FHIT: variants seen among roughly 807,000 people sequenced by gnomAD.
FHIT encodes the protein bis(5'-adenosyl)-triphosphatase.
In FHIT, 19 loss-of-function variants were observed where a neutral mutation model predicts 17.9. The observed-to-expected ratio is 1.06, with a 90% CI of 0.74 to 1.56. The LOEUF (loss-of-function observed/expected upper bound fraction) is 1.56, where lower values mean the gene tolerates loss of function less well. FHIT is among the 40% of genes most tolerant of loss of function. The probability of loss-of-function intolerance (pLI) is 0.00; values close to 1 mark genes in which losing one functional copy is unlikely to be tolerated. For synonymous variants in FHIT, 81 were observed against 69.7 expected (o/e 1.16, Z -0.81); for missense variants, 248 against 189.2 (o/e 1.31, Z -1.82).
chr3:60,419,652 T>C (rs1702397229), intron 5 of FHIT, among the ~76,000 whole-genome samples: 2 of 152,180 alleles, frequency 1.3e-5, no homozygotes, highest in Admixed American at 1.3e-4. Flanking sequence ...TCCTCCAGTA[T>C]TCTTTTTGCT....
At chr3:60,434,402 T>A (rs1353994333) in intron 5 of FHIT, among the ~76,000 whole-genome samples, 1 of 152,088 alleles carries the variant, frequency 6.6e-6, no homozygotes, top group Non-Finnish European at 1.5e-5. Context: ...TTCTGACACA[T>A]TTTCTTCCCT....
intron 7 of FHIT, among the ~76,000 whole-genome samples, chr3:59,930,507 A>G (rs1705916431): frequency 6.6e-6 from 1 of 152,132 alleles, no homozygotes. Flanking sequence ...TTCCAGAACA[A>G]GCCTGGTATG....
intron 5 of FHIT, among the ~76,000 whole-genome samples, chr3:60,446,739 G>A (rs1281956076): frequency 6.6e-6 from 1 of 151,892 alleles, no homozygotes; most frequent in Non-Finnish European, 1.5e-5. Context: ...TATAGTACAA[G>A]CTATTCAGGA....
chr3:60,756,165 T>G (rs1014086377), intron 4 of FHIT, among the ~76,000 whole-genome samples: 6 of 152,214 alleles, frequency 3.9e-5, no homozygotes, highest in Non-Finnish European at 7.3e-5. Context: ...GACAAAAAAC[T>G]TCAATGCATC....
rs146601619 is a variant in FHIT, at chr3:60,950,312, G to A, written c.-111+91735C>T. Among the ~76,000 whole-genome samples the A allele has an allele frequency of 1.4e-4, 22 of 152,248 alleles. No homozygotes were observed. The East Asian group carries it at 4.2e-3, about 29-fold the overall frequency. The stretch of plus-strand genomic sequence containing the variant: ...AACACATTGCAAAACAGTAGATACT[G>A]TAATATCATATTTATTGAGAGCTGT... On this transcript the variant is annotated intron_variant, in intron 3 of 9. Coordinates refer to ENST00000492590, the MANE Select transcript of FHIT (RefSeq NM_002012.4).
At chr3:60,233,629 C>A (rs1704614511) in intron 5 of FHIT, among the ~76,000 whole-genome samples, 1 of 152,122 alleles carries the variant, frequency 6.6e-6, no homozygotes, top group Non-Finnish European at 1.5e-5. Context: ...TCTCTTAAGT[C>A]CTTTTGAAAA....
At position 60,157,342 on chromosome 3, in the gene FHIT, C is replaced by T. The variant is rs9866689; in HGVS notation, c.104-143190G>A. Among the ~76,000 whole-genome samples the T allele has an allele frequency of 3.9e-3, 597 of 152,246 alleles. 3 individuals carry two copies. Among genetic ancestry groups the T allele is most frequent in the African/African-American group, 0.011 (448 of 41,558 alleles). ...TAAATCTACCGCAACGTGGAAAAGTCCAGTTGTTCTACCAGTAGGTGCTTC... is the reference window on the plus strand; with the variant it reads ...TAAATCTACCGCAACGTGGAAAAGTTCAGTTGTTCTACCAGTAGGTGCTTC... On this transcript the variant is annotated intron_variant, in intron 5 of 9. Transcript: ENST00000492590.
intron 1 of FHIT, among the ~76,000 whole-genome samples, chr3:61,238,382 C>A: frequency 6.6e-6 from 1 of 152,134 alleles, no homozygotes; most frequent in East Asian, 1.9e-4. Context: ...CAGTTAGGGA[C>A]CTGACATAAA....
At chr3:59,828,389 A>G (rs773938008) in intron 8 of FHIT, among the ~76,000 whole-genome samples, 29 of 152,208 alleles carry the variant, frequency 1.9e-4, no homozygotes, top group Non-Finnish European at 3.8e-4. Flanking sequence ...TAAGAAATCA[A>G]TATAATTTTG....
At chr3:60,445,604 T>C (rs2031277314) in intron 5 of FHIT, among the ~76,000 whole-genome samples, 1 of 152,108 alleles carries the variant, frequency 6.6e-6, no homozygotes, top group African/African-American at 2.4e-5. Context: ...ACAGTCTATG[T>C]CAAAAATGCT....
intron 2 of FHIT, among the ~76,000 whole-genome samples, chr3:61,186,618 C>T (rs2038521718): frequency 6.6e-6 from 1 of 152,178 alleles, no homozygotes; most frequent in African/African-American, 2.4e-5. Flanking sequence ...TGTCCATTTA[C>T]CCATCCCACT....
chr3:60,915,922 AAATGT>A lies in FHIT; in HGVS notation c.-110-93916_-110-93912del, dbSNP rs149786423. On this transcript the variant is annotated intron_variant, in intron 3 of 9. Transcript: ENST00000492590. ...TGAAACCACACCAAAGTACGTTGAAAAATGTCTTCCCACTCATGCTGTTAATGATC... is the reference window on the plus strand; with the variant it reads ...TGAAACCACACCAAAGTACGTTGAAACTTCCCACTCATGCTGTTAATGATC... Among the ~76,000 whole-genome samples, 639 of 152,276 alleles carry A rather than the reference AAATGT, an allele frequency of 4.2e-3. 3 individuals carry two copies. Among genetic ancestry groups the A allele is most frequent in the African/African-American group, 0.015 (603 of 41,564 alleles).
intron 4 of FHIT, among the ~76,000 whole-genome samples, chr3:60,682,318 A>G (rs2040770018): frequency 6.6e-6 from 1 of 152,190 alleles, no homozygotes; most frequent in African/African-American, 2.4e-5. Flanking sequence ...TTGGAAGAAG[A>G]TGCCATCTAG....
intron 1 of FHIT, among the ~76,000 whole-genome samples, chr3:61,234,546 G>T (rs1446729738): frequency 1.3e-5 from 2 of 152,040 alleles, no homozygotes; most frequent in African/African-American, 4.8e-5. Context: ...AAAACTAACA[G>T]AACAAATATG....
chr3:60,356,753 C>CAAAAAAAAAAAAAAAAAAAAAA (rs57588436), intron 5 of FHIT, among the ~76,000 whole-genome samples: 12 of 58,674 alleles, frequency 2.0e-4, no homozygotes, highest in South Asian at 7.3e-4. Flanking sequence ...AAGACAGAGA[C>CAAAAAAAAAAAAAAAAAAAAAA]AAAAAAAAAA....
chr3:60,111,120 C>G (rs558681569), intron 5 of FHIT, among the ~76,000 whole-genome samples: 1 of 151,592 alleles, frequency 6.6e-6, no homozygotes, highest in South Asian at 2.1e-4. Flanking sequence ...TCTGATAGAC[C>G]GAGAAGAAAA....
intron 2 of FHIT, among the ~76,000 whole-genome samples, chr3:61,181,596 C>G (rs2038345466): frequency 6.6e-6 from 1 of 152,158 alleles, no homozygotes; most frequent in Non-Finnish European, 1.5e-5. Context: ...ACAGGCTGCT[C>G]TGATATTCCC....
intron 8 of FHIT, among the ~76,000 whole-genome samples, chr3:59,827,111 T>G (rs1701005074): frequency 6.6e-6 from 1 of 152,226 alleles, no homozygotes; most frequent in Admixed American, 6.5e-5. Context: ...TGCCATGCAG[T>G]GTCCATTTTA....
chr3:60,697,879 A>C (rs560549561), intron 4 of FHIT, among the ~76,000 whole-genome samples: 1 of 152,278 alleles, frequency 6.6e-6, no homozygotes, highest in African/African-American at 2.4e-5. Context: ...TCTGGAAAAA[A>C]AATTAATTTG....
Sources: allele counts gnomAD v4.1 joint callset (sites outside exome capture counted in the v4.1 genomes callset), GRCh38; gene constraint gnomAD v4.1.1; transcripts MANE v1.5; gene names NCBI Gene and HGNC (gene_info 2026-07-23, HGNC 2026-07-21).